RBFOX1: variants seen among roughly 807,000 people sequenced by gnomAD.
RBFOX1 encodes the protein RNA binding protein fox-1 homolog 1.
RBFOX1 carries 8 observed loss-of-function variants against 57.7 expected under a neutral mutation model. The observed-to-expected ratio is 0.14, with a 90% confidence interval of 0.08 to 0.25. The LOEUF (loss-of-function observed/expected upper bound fraction) is 0.25, where lower values mean the gene tolerates loss of function less well. RBFOX1 is among the 10% of genes least tolerant of loss of function. The probability of loss-of-function intolerance (pLI) is 1.00; values close to 1 mark genes in which losing one functional copy is unlikely to be tolerated. For missense variants in RBFOX1, 611 were observed against 548.5 expected (o/e 1.11, Z -1.14); for synonymous variants, 326 against 222.4 (o/e 1.47, Z -4.15).
intron 2 of RBFOX1, among the ~76,000 whole-genome samples, chr16:5,526,402 C>T (rs2101374): frequency 0.41 from 61,936 of 151,790 alleles, 14,081 homozygotes; most frequent in East Asian, 0.96. Flanking sequence ...GATTCTCATG[C>T]TTCAGCCTCC....
rs78130650 is a variant in RBFOX1, at chr16:5,380,814, G to A, written c.220-86402G>A. On this transcript the variant is annotated intron_variant, in intron 1 of 2. Coordinates refer to the RBFOX1 transcript ENST00000585867. ...GTGATGAAAGGGACTTTTGCTTTGT[G>A]CCCTATGCACTTATATATAACTTGA... 7.8e-3 allele frequency among the ~76,000 whole-genome samples: 1,182 copies of A among 152,300 alleles called. 18 individuals carry two copies. The highest frequency in any genetic ancestry group is 0.026 in the African/African-American group (1,095 of 41,538).
At chr16:7,071,138 C>T (rs974621397) in intron 4 of RBFOX1, among the ~76,000 whole-genome samples, 2 of 152,270 alleles carry the variant, frequency 1.3e-5, no homozygotes, top group Admixed American at 6.5e-5. Context: ...AGTGGAGCTT[C>T]TCGGCTGCTA....
chr16:7,510,800 A>C (rs2074875485), intron 4 of RBFOX1, among the ~76,000 whole-genome samples: 1 of 152,166 alleles, frequency 6.6e-6, no homozygotes, highest in Admixed American at 6.5e-5. Flanking sequence ...GTTTTCCTCC[A>C]GTGAGTCCAT....
chr16:7,647,155 G>C (rs906036317), intron 11 of RBFOX1, among the ~76,000 whole-genome samples: 4 of 152,148 alleles, frequency 2.6e-5, no homozygotes, highest in Non-Finnish European at 5.9e-5. Flanking sequence ...CCCAAGAACT[G>C]AGATGGTTAC....
chr16:5,662,253 C>A (rs543080688), intron 3 of RBFOX1, among the ~76,000 whole-genome samples: 5 of 152,226 alleles, frequency 3.3e-5, no homozygotes, highest in African/African-American at 1.2e-4. Flanking sequence ...TAGTTCTGAA[C>A]CATTTTAATT....
chr16:7,680,196 C>G (rs913243690), intron 14 of RBFOX1, among the ~76,000 whole-genome samples: 1 of 152,132 alleles, frequency 6.6e-6, no homozygotes, highest in East Asian at 1.9e-4. Context: ...GGGCAGGCTT[C>G]TCTTTATTGA....
intron 3 of RBFOX1, among the ~76,000 whole-genome samples, chr16:6,824,181 G>A (rs1346464418): frequency 2.0e-5 from 3 of 152,330 alleles, no homozygotes; most frequent in Admixed American, 2.0e-4. Flanking sequence ...AGGGCGGGTG[G>A]ATCACCTGAG....
chr16:6,273,490 A>G (rs1191961728), intron 1 of RBFOX1, among the ~76,000 whole-genome samples: 5 of 151,346 alleles, frequency 3.3e-5, no homozygotes, highest in African/African-American at 1.2e-4. Context: ...GATTACAGGT[A>G]CATGTCACCA....
At chr16:6,088,786 C>T (rs1305951621) in intron 1 of RBFOX1, among the ~76,000 whole-genome samples, 7 of 152,080 alleles carry the variant, frequency 4.6e-5, no homozygotes, top group African/African-American at 1.7e-4. Context: ...GGGTTTCATT[C>T]TTCAGATCCT....
At chr16:6,961,021 A>G (rs1325036223) in intron 3 of RBFOX1, among the ~76,000 whole-genome samples, 2 of 150,960 alleles carry the variant, frequency 1.3e-5, no homozygotes, top group Non-Finnish European at 2.9e-5. Flanking sequence ...GCCAGCAACT[A>G]TAGTCCAGCT....
chr16:7,261,677 C>G (rs1295134493), intron 4 of RBFOX1, among the ~76,000 whole-genome samples: 2 of 152,152 alleles, frequency 1.3e-5, no homozygotes, highest in African/African-American at 4.8e-5. Flanking sequence ...GACAGGATGC[C>G]AGTCCAAGCA....
intron 2 of RBFOX1, among the ~76,000 whole-genome samples, chr16:6,574,924 G>A (rs1446998275): frequency 6.6e-6 from 1 of 151,486 alleles, no homozygotes; most frequent in African/African-American, 2.4e-5. Flanking sequence ...TGTAGTCCCA[G>A]CTACTCGGGA....
At chr16:5,639,484 C>A (rs1399750335) in intron 3 of RBFOX1, among the ~76,000 whole-genome samples, 1 of 152,198 alleles carries the variant, frequency 6.6e-6, no homozygotes, top group South Asian at 2.1e-4. Flanking sequence ...GGCCTCGGAA[C>A]ACTGGGTCCA....
intron 2 of RBFOX1, among the ~76,000 whole-genome samples, chr16:6,332,966 T>C (rs1056586562): frequency 6.6e-6 from 1 of 152,254 alleles, no homozygotes; most frequent in Admixed American, 6.5e-5. Flanking sequence ...CATTATTTAA[T>C]ATCTTACTGA....
chr16:5,452,593 C>T (rs1416186493), intron 1 of RBFOX1, among the ~76,000 whole-genome samples: 1 of 152,088 alleles, frequency 6.6e-6, no homozygotes, highest in African/African-American at 2.4e-5. Flanking sequence ...CCTTACCTGT[C>T]CCTCATCCAC....
intron 3 of RBFOX1, among the ~76,000 whole-genome samples, chr16:5,727,516 T>C (rs1272451456): frequency 6.6e-6 from 1 of 152,232 alleles, no homozygotes; most frequent in African/African-American, 2.4e-5. Context: ...TCTCTTTGCG[T>C]ATTTCAAATG....
chr16:7,349,993 C>CAAAAA (rs1230983349), intron 4 of RBFOX1, among the ~76,000 whole-genome samples: 1 of 152,022 alleles, frequency 6.6e-6, no homozygotes, highest in African/African-American at 2.4e-5. Flanking sequence ...CTGAAACATA[C>CAAAAA]AAAAATTAGC....
intron 2 of RBFOX1, among the ~76,000 whole-genome samples, chr16:5,544,926 G>A (rs79164367): frequency 0.055 from 7,581 of 138,216 alleles, 207 homozygotes; most frequent in East Asian, 0.11. Context: ...ACAAATACAG[G>A]TATAGATGGC....
intron 2 of RBFOX1, among the ~76,000 whole-genome samples, chr16:6,441,338 A>C (rs566752269): frequency 6.6e-6 from 1 of 152,272 alleles, no homozygotes; most frequent in African/African-American, 2.4e-5. Flanking sequence ...GCTTCCCCTA[A>C]AGTCCTCTGC....
Sources: allele counts gnomAD v4.1 joint callset (sites outside exome capture counted in the v4.1 genomes callset), GRCh38; gene constraint gnomAD v4.1.1; transcripts MANE v1.5; gene names NCBI Gene and HGNC (gene_info 2026-07-23, HGNC 2026-07-21).